Variants in PPP2R2B observed in about 807,000 individuals in gnomAD.
PPP2R2B encodes the protein protein phosphatase 2 regulatory subunit Bbeta.
In PPP2R2B, 5 loss-of-function variants were observed where a neutral mutation model predicts 46.0. The ratio of observed to expected loss-of-function variants is 0.11; its 90% CI spans 0.06 to 0.23. PPP2R2B has a LOEUF of 0.23. Among genes scored for constraint, PPP2R2B ranks in the 10% least tolerant of loss-of-function variants. PPP2R2B has a pLI of 1.00. For missense variants in PPP2R2B, 367 were observed against 575.0 expected (o/e 0.64, Z 3.70); for synonymous variants, 215 against 206.7 (o/e 1.04, Z -0.34).
intron 7 of PPP2R2B, among the ~76,000 whole-genome samples, chr5:146,608,887 T>C (rs912416648): frequency 6.6e-6 from 1 of 152,076 alleles, no homozygotes; most frequent in East Asian, 1.9e-4. Context: ...CTACTCCAAC[T>C]GTTACAAAAA....
chr5:146,801,113 T>C (rs991508179), intron 2 of PPP2R2B, among the ~76,000 whole-genome samples: 1 of 151,948 alleles, frequency 6.6e-6, no homozygotes, highest in Non-Finnish European at 1.5e-5. Context: ...CACTTATATG[T>C]GGAATCTAAA....
chr5:146,730,798 G>C (rs560027977), intron 2 of PPP2R2B, among the ~76,000 whole-genome samples: 1 of 152,056 alleles, frequency 6.6e-6, no homozygotes, highest in East Asian at 1.9e-4. Context: ...CCTAGTCTTG[G>C]GTATGTCTTC....
intron 1 of PPP2R2B, among the ~76,000 whole-genome samples, chr5:146,976,101 T>A (rs2086373): frequency 0.53 from 76,681 of 144,720 alleles, 20,375 homozygotes; most frequent in Middle Eastern, 0.62. Flanking sequence ...TTTCATTTTT[T>A]AAAAAATTTA....
intron 8 of PPP2R2B, among the ~76,000 whole-genome samples, chr5:146,595,319 T>C (rs534480501): frequency 5.9e-5 from 9 of 152,222 alleles, no homozygotes; most frequent in Non-Finnish European, 4.4e-5. Context: ...GTATATAAAC[T>C]GGGCAGTGGC....
In PPP2R2B at chr5:146,584,231, G is replaced by A. The variant is rs1409036812; in HGVS notation, c.*5716C>T. On this transcript the variant is annotated 3_prime_UTR_variant, in exon 10 of 10. Coordinates refer to ENST00000394411, the MANE Select transcript of PPP2R2B (RefSeq NM_181675.4). ...GGGATCAGCGGAGATGGCAGATCAT[G>A]ATGGTTCTGCCACCAGCAGTTTAAC... 1.3e-5 allele frequency: 2 copies of A among 152,318 alleles called. No homozygotes were observed. The highest frequency in any genetic ancestry group is 4.8e-5 in the African/African-American group (2 of 41,474). The allele number at this position is 152,318 out of a possible 1,614,324, so 9.4% of individuals were successfully genotyped here.
chr5:146,701,311 G>T, intron 2 of PPP2R2B, 169 bp from the exon 3 acceptor site: 1 of 762,344 alleles, frequency 1.3e-6, no homozygotes, highest in South Asian at 1.4e-5. Context: ...GTGGCACTTG[G>T]GAAGTAAATT....
intron 1 of PPP2R2B, among the ~76,000 whole-genome samples, chr5:146,942,673 C>G (rs932304689): frequency 2.6e-5 from 4 of 152,126 alleles, no homozygotes; most frequent in African/African-American, 9.7e-5. Context: ...TCTTCTTTGT[C>G]CTTTAGATTA....
intron 8 of PPP2R2B, among the ~76,000 whole-genome samples, chr5:146,598,376 T>A (rs1325972787): frequency 6.6e-6 from 1 of 152,214 alleles, no homozygotes; most frequent in Non-Finnish European, 1.5e-5. Context: ...CTTCCTATTC[T>A]CAACTAGGTC....
upstream of PPP2R2B, among the ~76,000 whole-genome samples, chr5:147,060,244 G>C (rs6896858): frequency 0.56 from 85,801 of 151,878 alleles, 24,786 homozygotes; most frequent in Middle Eastern, 0.71. Context: ...TAAAATACTC[G>C]TTCATTATTG....
At chr5:146,726,707 T>C (rs1462447348) in intron 2 of PPP2R2B, among the ~76,000 whole-genome samples, 1 of 152,192 alleles carries the variant, frequency 6.6e-6, no homozygotes, top group Non-Finnish European at 1.5e-5. Context: ...AACAAAACCA[T>C]TCTGAATCTC....
chr5:147,054,764 C>A (rs1454705173), intron 1 of PPP2R2B: 2 of 449,362 alleles, frequency 4.5e-6, no homozygotes, highest in Admixed American at 2.4e-5. Flanking sequence ...CCTCAGCATC[C>A]TCAACCCTTT....
chr5:146,947,896 T>A (rs1047172015), intron 1 of PPP2R2B, among the ~76,000 whole-genome samples: 1 of 151,308 alleles, frequency 6.6e-6, no homozygotes, highest in Non-Finnish European at 1.5e-5. Context: ...CAAGGCGAAA[T>A]CCCACTAATC....
intron 1 of PPP2R2B, among the ~76,000 whole-genome samples, chr5:146,906,421 C>T (rs796113081): frequency 2.7e-4 from 41 of 152,234 alleles, no homozygotes; most frequent in African/African-American, 9.9e-4. Flanking sequence ...CTCCTGGGTT[C>T]AAGTGATTCT....
intron 1 of PPP2R2B, among the ~76,000 whole-genome samples, chr5:146,940,167 C>T (rs927862626): frequency 6.6e-6 from 1 of 152,126 alleles, no homozygotes; most frequent in Admixed American, 6.6e-5. Context: ...GCATCATTTT[C>T]TTCTTTCTCT....
intron 1 of PPP2R2B, among the ~76,000 whole-genome samples, chr5:146,963,053 T>A (rs1162652096): frequency 2.6e-5 from 4 of 152,170 alleles, no homozygotes; most frequent in Non-Finnish European, 4.4e-5. Flanking sequence ...AAAGATTCAA[T>A]GTGTACAAAT....
At chr5:146,885,879 G>A in intron 1 of PPP2R2B, among the ~76,000 whole-genome samples, 1 of 152,164 alleles carries the variant, frequency 6.6e-6, no homozygotes, top group Non-Finnish European at 1.5e-5. Flanking sequence ...CACAAAAGAT[G>A]ACATATTGTA....
At chr5:147,017,911 A>G (rs1054092414) in intron 1 of PPP2R2B, among the ~76,000 whole-genome samples, 2 of 152,112 alleles carry the variant, frequency 1.3e-5, no homozygotes, top group African/African-American at 4.8e-5. Context: ...AAGGTAAAGC[A>G]ATGTCTTTAA....
intron 2 of PPP2R2B, among the ~76,000 whole-genome samples, chr5:146,828,178 C>T (rs534394891): frequency 1.3e-5 from 2 of 151,946 alleles, no homozygotes; most frequent in Admixed American, 1.3e-4. Context: ...AATGCACATT[C>T]TCTAGTTGAA....
chr5:147,079,356 G>GATAT (rs10565841), intron 2 of PPP2R2B, among the ~76,000 whole-genome samples: 3 of 142,338 alleles, frequency 2.1e-5, no homozygotes, highest in African/African-American at 7.7e-5. Context: ...TACATACAGT[G>GATAT]ATATATATAT....
Sources: gnomAD v4.1 joint callset for allele counts (sites outside exome capture counted in the v4.1 genomes callset) on GRCh38, gnomAD v4.1.1 for gene constraint, MANE v1.5 for transcripts, NCBI Gene and HGNC (gene_info 2026-07-23, HGNC 2026-07-21) for gene names.